ERMP1: variants seen among roughly 807,000 people sequenced by gnomAD.
The protein encoded by ERMP1 is endoplasmic reticulum metallopeptidase 1.
ERMP1 carries 86 observed loss-of-function variants against 92.0 expected under a neutral mutation model. That is an observed-to-expected ratio of 0.93 (90% CI 0.79 to 1.12). The LOEUF (loss-of-function observed/expected upper bound fraction) is 1.12. Ranked by LOEUF, ERMP1 falls within the 50% of genes most tolerant of loss-of-function variation. ERMP1 has a pLI of 0.00. For synonymous variants in ERMP1, 530 were observed against 412.8 expected, an observed-to-expected ratio of 1.28 and a Z score of -3.44; for missense variants, 1,342 against 1,116.3, an observed-to-expected ratio of 1.20 and a Z score of -2.88.
intron 2 of ERMP1, among the ~76,000 whole-genome samples, chr9:5,826,789 G>A (rs1410857977): frequency 6.6e-6 from 1 of 152,052 alleles, no homozygotes; most frequent in African/African-American, 2.4e-5. Flanking sequence ...AAAATAGAGA[G>A]CAAACAATAA....
intron 5 of ERMP1, among the ~76,000 whole-genome samples, chr9:5,861,170 GGTGTGTGTGTGTGT>G (rs35593711): frequency 9.8e-5 from 10 of 102,138 alleles, no homozygotes; most frequent in East Asian, 4.4e-4. Flanking sequence ...TGGCTTAGGG[GGTGTGTGTGTGTGT>G]GTGTGTGTGT....
intron 4 of ERMP1, among the ~76,000 whole-genome samples, chr9:5,820,805 G>C (rs962495970): frequency 6.6e-6 from 1 of 152,306 alleles, no homozygotes; most frequent in East Asian, 1.9e-4. Flanking sequence ...ACCCAGGAGG[G>C]CCTTTATCCT....
rs1247960695 is a variant in ERMP1 at position 5,798,864 on chromosome 9, C to G, written c.2212G>C (p.Glu738Gln). Residue 738 changes from glutamate to glutamine, a missense_variant, in exon 12 of 15, where the codon GAG (glutamate) becomes CAG (glutamine). Transcript: ENST00000339450. ...AAACCACAAAGAGGTGCATTCTCCT[C>G]ACAGTGAGCTCGGATACTATCATTG... is the stretch of plus-strand genomic sequence containing the variant. ...EINDSIRAHC[E>Q]ENAPLCGFPW... 25 of 1,613,800 alleles carry G rather than the reference C, an allele frequency of 1.5e-5. No homozygotes were observed. The highest frequency in any genetic ancestry group is 1.9e-5 in the Non-Finnish European group (23 of 1,179,886).
Position 5,812,943 on chromosome 9 carries a change from T to C in ERMP1, c.967A>G (p.Ile323Val), listed in dbSNP as rs916678836. 8.1e-6 allele frequency: 13 copies of C among 1,614,046 alleles called. No homozygotes were observed. The highest frequency in any genetic ancestry group is 1.1e-5 in the Non-Finnish European group (13 of 1,179,934). Residue 323 changes from isoleucine to valine, a missense_variant, in exon 5 of 15, where the codon ATC (isoleucine) becomes GTC (valine). Physicochemically the swap from Ile to Val is conservative, Grantham distance 29. Coordinates refer to ENST00000339450, the MANE Select transcript of ERMP1 (RefSeq NM_024896.3). Reference sequence around the variant, plus strand: ...CGAAAGTCAGTATCTGAAGGAATGATTCCACTCTGAAAAACCTCCTGAGCC... The same window carrying C: ...CGAAAGTCAGTATCTGAAGGAATGACTCCACTCTGAAAAACCTCCTGAGCC... ...VVAQEVFQSGIIPSDTDFRIY... is the reference protein window; with the variant it reads ...VVAQEVFQSGVIPSDTDFRIY...
At chr9:5,790,690 T>G (rs570034785) in intron 13 of ERMP1, among the ~76,000 whole-genome samples, 1 of 152,354 alleles carries the variant, frequency 6.6e-6, no homozygotes, top group South Asian at 2.1e-4. Context: ...TTTTTAATAC[T>G]GAAAGTCACA....
intron 13 of ERMP1, chr9:5,791,387 C>G: frequency 1.3e-5 from 6 of 447,662 alleles, no homozygotes; most frequent in South Asian, 9.5e-5. Context: ...CCTTCACTGA[C>G]GGGATGAGGC....
Position 5,846,623 on chromosome 9 carries a change from T to C in ERMP1, n.3199+12845A>G, listed in dbSNP as rs975807983. Among the ~76,000 whole-genome samples, 5 of 152,182 alleles carry C rather than the reference T, an allele frequency of 3.3e-5. No homozygotes were observed. The South Asian group carries it at 8.3e-4, about 25-fold the overall frequency. On this transcript the variant is annotated intron_variant and non_coding_transcript_variant, in intron 6 of 6. Coordinates refer to the ERMP1 transcript ENST00000690753. ...ACATCTAACTACATTTCCCAAAGGATTGGGCAAGCACTTACTCCCGTGGGT... is the reference window on the plus strand; with the variant it reads ...ACATCTAACTACATTTCCCAAAGGACTGGGCAAGCACTTACTCCCGTGGGT...
chr9:5,842,013 T>C (rs1428696014), intron 6 of ERMP1, among the ~76,000 whole-genome samples: 2 of 151,982 alleles, frequency 1.3e-5, no homozygotes, highest in Admixed American at 6.6e-5. Context: ...ACTTCAGGAG[T>C]AAAGCTGCAG....
chr9:5,843,909 G>C (rs569116069), intron 6 of ERMP1, among the ~76,000 whole-genome samples: 6 of 152,128 alleles, frequency 3.9e-5, no homozygotes, highest in African/African-American at 9.7e-5. Context: ...GTGTGTCCTG[G>C]GGGGAGGAAG....
At chr9:5,845,084 T>C (rs1830218713) in intron 6 of ERMP1, among the ~76,000 whole-genome samples, 1 of 151,588 alleles carries the variant, frequency 6.6e-6, no homozygotes, top group Non-Finnish European at 1.5e-5. Context: ...CTTGCATTTG[T>C]CGAGCCTAAA....
chr9:5,799,079 A>G, intron 11 of ERMP1, 71 bp from the exon 12 acceptor site: 1 of 1,060,482 alleles, frequency 9.4e-7, no homozygotes, highest in Admixed American at 1.9e-5. Context: ...GATTACAAAA[A>G]TGGAGTATGA....
At chr9:5,802,699 T>C (rs1828717250) in intron 10 of ERMP1, among the ~76,000 whole-genome samples, 1 of 152,160 alleles carries the variant, frequency 6.6e-6, no homozygotes, top group Non-Finnish European at 1.5e-5. Context: ...AATCAGTTAA[T>C]AGGTGTCCTT....
At chr9:5,795,093 T>C (rs536040991) in intron 13 of ERMP1, among the ~76,000 whole-genome samples, 2 of 152,236 alleles carry the variant, frequency 1.3e-5, no homozygotes, top group Admixed American at 6.5e-5. Flanking sequence ...AGTCCAATAC[T>C]TGAAAATCAA....
chr9:5,830,132 A>G (rs1324139258), intron 2 of ERMP1, among the ~76,000 whole-genome samples: 1 of 152,238 alleles, frequency 6.6e-6, no homozygotes, highest in Non-Finnish European at 1.5e-5. Context: ...GCCAACCCGC[A>G]GCCCAGGACA....
chr9:5,858,108 G>A (rs910319519), intron 6 of ERMP1, among the ~76,000 whole-genome samples: 5 of 152,166 alleles, frequency 3.3e-5, no homozygotes, highest in Admixed American at 6.5e-5. Flanking sequence ...TCTCATAGGA[G>A]CATTCACTCA....
At chr9:5,834,977 ATGTGTGTGTGTGTGTGTGTGTGTGTG>A (rs71326191), upstream of ERMP1, among the ~76,000 whole-genome samples, 75 of 125,196 alleles carry the variant, frequency 6.0e-4, no homozygotes, top group African/African-American at 9.5e-4. Flanking sequence ...GGATAGATAG[ATGTGTGTGTGTGTGTGTGTGTGTGTG>A]TGTGTGTGTG....
At chr9:5,787,337 G>T in intron 14 of ERMP1, 29 bp from the exon 15 acceptor site, 1 of 1,606,532 alleles carries the variant, frequency 6.2e-7, no homozygotes. Flanking sequence ...TAGTTCTCCA[G>T]TTCTCAGAAG....
chr9:5,833,376 T>C (rs1830034437), upstream of ERMP1, among the ~76,000 whole-genome samples: 1 of 152,122 alleles, frequency 6.6e-6, no homozygotes, highest in South Asian at 2.1e-4. Flanking sequence ...GCTCTTACAG[T>C]GCATCAGGCA....
chr9:5,832,185 T>G (rs151171612), intron 1 of ERMP1, among the ~76,000 whole-genome samples: 5 of 152,134 alleles, frequency 3.3e-5, no homozygotes, highest in African/African-American at 1.2e-4. Flanking sequence ...CATACCAAAT[T>G]TTGACTGGGC....
Sources: allele counts gnomAD v4.1 joint callset (sites outside exome capture counted in the v4.1 genomes callset), GRCh38; gene constraint gnomAD v4.1.1; transcripts MANE v1.5; gene names NCBI Gene and HGNC (gene_info 2026-07-23, HGNC 2026-07-21).